The following SLCO2A1 variants were observed in gnomAD, a reference collection of about 807,000 sequenced individuals.
SLCO2A1 encodes matrin F/G 1.
Under a neutral mutation model 71.7 loss-of-function variants are expected in SLCO2A1, and 60 were observed. The observed-to-expected ratio is 0.84, with a 90% CI of 0.68 to 1.04. SLCO2A1 has a LOEUF of 1.04. Among genes scored for constraint, SLCO2A1 ranks in the 50% least tolerant of loss-of-function variants. The pLI is 0.00. For synonymous variants in SLCO2A1, 308 were observed against 326.7 expected (o/e 0.94, Z 0.62); for missense variants, 745 against 813.4 (o/e 0.92, Z 1.02).
chr3:133,971,082 G>A (rs778825564), intron 3 of SLCO2A1, among the ~76,000 whole-genome samples: 1 of 152,230 alleles, frequency 6.6e-6, no homozygotes, highest in Non-Finnish European at 1.5e-5. Flanking sequence ...GAGCTGACTT[G>A]CCAGGCTGAG....
rs571890358 is a variant in SLCO2A1 at position 133,964,625 on chromosome 3, A to G, written c.397+9038T>C. On this transcript the variant is annotated intron_variant, in intron 3 of 13. Coordinates refer to ENST00000310926, the MANE Select transcript of SLCO2A1 (RefSeq NM_005630.3). ...CACATCTGTGGAGGAAAAGAAGCTC[A>G]GGGCAGTGGAAGGAGGAACTGCTCT... Among the ~76,000 whole-genome samples, 4 of 152,360 alleles carry G rather than the reference A, an allele frequency of 2.6e-5. No homozygotes were observed. In the East Asian group the frequency reaches 7.7e-4, roughly 29 times the overall value.
intron 1 of SLCO2A1, among the ~76,000 whole-genome samples, chr3:133,982,662 C>T (rs1328006436): frequency 6.6e-6 from 1 of 152,158 alleles, no homozygotes; most frequent in Non-Finnish European, 1.5e-5. Context: ...ATGGTCTCTT[C>T]TTGGTGTCTC....
intron 1 of SLCO2A1, among the ~76,000 whole-genome samples, chr3:133,988,062 C>T (rs920091920): frequency 6.6e-6 from 1 of 152,192 alleles, no homozygotes; most frequent in Non-Finnish European, 1.5e-5. Flanking sequence ...CCCTCACTGC[C>T]CCAAGCATCT....
At chr3:133,947,739 T>C (rs1440178221) in intron 8 of SLCO2A1, among the ~76,000 whole-genome samples, 2 of 152,146 alleles carry the variant, frequency 1.3e-5, no homozygotes. Flanking sequence ...TTTCATTCCT[T>C]GGGGCCTCTT....
chr3:133,948,488 C>T lies in SLCO2A1; in HGVS notation c.1105+48G>A, dbSNP rs369090781. The T allele has an allele frequency of 5.1e-6, 8 of 1,577,954 alleles. No individual in the cohort carries two copies. The African/African-American group carries it at 6.7e-5, about 13-fold the overall frequency. ...GGATGGGTGGCTGGAGTGCCTGCCTCCTGGCCCAGGCAAGCCCTGCGGATC... is the reference window on the plus strand; with the variant it reads ...GGATGGGTGGCTGGAGTGCCTGCCTTCTGGCCCAGGCAAGCCCTGCGGATC... On this transcript the variant is annotated intron_variant, in intron 8 of 13. Coordinates refer to ENST00000310926, the MANE Select transcript of SLCO2A1 (RefSeq NM_005630.3).
Position 133,934,813 on chromosome 3 carries a change from A to G in SLCO2A1, c.1832T>C (p.Met611Thr), listed in dbSNP as rs373024653. 1.9e-6 allele frequency: 3 copies of G among 1,611,232 alleles called. No homozygotes were observed. The highest frequency in any genetic ancestry group is 2.2e-5 in the East Asian group (1 of 44,816). Reference sequence around the variant, plus strand: ...CAGCATGCCCAGCGCCTTGTAGCCCATCTGCAGGCCCAGGTACCTGTGGGC... The same window carrying G: ...CAGCATGCCCAGCGCCTTGTAGCCCGTCTGCAGGCCCAGGTACCTGTGGGC... Reference protein sequence around the residue: ...ALRDRYLGLQMGYKALGMLLL... With the variant: ...ALRDRYLGLQTGYKALGMLLL... Residue 611 changes from methionine to threonine, a missense_variant, in exon 14 of 14, where the codon ATG becomes ACG. Transcript: ENST00000310926.
Position 134,013,965 on chromosome 3 carries a change from G to A in SLCO2A1, c.96+15742C>T, listed in dbSNP as rs115940870. On this transcript the variant is annotated intron_variant, in intron 1 of 13. Transcript: ENST00000310926. Reference sequence around the variant, plus strand: ...CTTCTAGAATTCAGGGCCTCTTGGTGGGGCAGTTTGATAAACAGTAGCTCA... The same window carrying A: ...CTTCTAGAATTCAGGGCCTCTTGGTAGGGCAGTTTGATAAACAGTAGCTCA... Among the ~76,000 whole-genome samples, 529 of 152,170 alleles carry A rather than the reference G, an allele frequency of 3.5e-3. 5 individuals are homozygous for A. Among genetic ancestry groups the A allele is most frequent in the African/African-American group, 0.012 (507 of 41,508 alleles).
At position 134,022,108 on chromosome 3, in the gene SLCO2A1, A is replaced by T. The variant is rs79880589; in HGVS notation, c.96+7599T>A. Among the ~76,000 whole-genome samples the T allele has an allele frequency of 7.4e-3, 1,122 of 152,046 alleles. 24 individuals are homozygous for T. The highest frequency in any genetic ancestry group is 0.026 in the African/African-American group (1,091 of 41,520). On this transcript the variant is annotated intron_variant, in intron 1 of 13. Coordinates refer to ENST00000310926, the MANE Select transcript of SLCO2A1 (RefSeq NM_005630.3). ...AAAAGAGGAGGGGCGGAATTTATGT[A>T]AAAAGAGTATTATATGGTAAATTCT... is the stretch of plus-strand genomic sequence containing the variant.
intron 5 of SLCO2A1, 121 bp from the exon 6 acceptor site, chr3:133,951,465 C>A: frequency 1.7e-6 from 2 of 1,200,450 alleles, no homozygotes; most frequent in South Asian, 1.5e-5. Context: ...AAGAGGCAAG[C>A]CATGAGCTAG....
chr3:133,958,804 A>G (rs539320621), intron 3 of SLCO2A1, among the ~76,000 whole-genome samples: 2 of 152,270 alleles, frequency 1.3e-5, no homozygotes, highest in African/African-American at 4.8e-5. Flanking sequence ...ATTCAGACAA[A>G]TCTTGGGTAC....
At chr3:134,006,560 G>A (rs1043609613) in intron 1 of SLCO2A1, among the ~76,000 whole-genome samples, 6 of 152,126 alleles carry the variant, frequency 3.9e-5, no homozygotes, top group Non-Finnish European at 8.8e-5. Flanking sequence ...TCATGTAAAT[G>A]GAATCATACA....
intron 3 of SLCO2A1, among the ~76,000 whole-genome samples, chr3:133,967,457 C>A (rs182389153): frequency 6.6e-6 from 1 of 152,190 alleles, no homozygotes; most frequent in African/African-American, 2.4e-5. Context: ...CCTTCTCTAC[C>A]GCAGTCTAGT....
intron 1 of SLCO2A1, among the ~76,000 whole-genome samples, chr3:133,991,319 C>T (rs188922703): frequency 3.3e-5 from 5 of 152,154 alleles, no homozygotes; most frequent in African/African-American, 1.2e-4. Flanking sequence ...CTCCATCAGC[C>T]GTTGGCCTGC....
At chr3:134,013,339 A>T (rs1935379561) in intron 1 of SLCO2A1, among the ~76,000 whole-genome samples, 1 of 152,108 alleles carries the variant, frequency 6.6e-6, no homozygotes, top group Non-Finnish European at 1.5e-5. Context: ...TGAGAAACAG[A>T]TCAGTTTAAT....
At chr3:133,991,392 A>G (rs773871522) in intron 1 of SLCO2A1, among the ~76,000 whole-genome samples, 2 of 152,202 alleles carry the variant, frequency 1.3e-5, no homozygotes, top group African/African-American at 4.8e-5. Context: ...CAATGCCCCA[A>G]AGGGGAATGA....
intron 11 of SLCO2A1, among the ~76,000 whole-genome samples, chr3:133,941,043 G>A (rs1933407838): frequency 6.6e-6 from 1 of 152,158 alleles, no homozygotes; most frequent in Non-Finnish European, 1.5e-5. Flanking sequence ...CCTAAGTTTT[G>A]TGCTGCTTTC....
intron 9 of SLCO2A1, among the ~76,000 whole-genome samples, chr3:133,946,005 T>C (rs1224152092): frequency 6.6e-6 from 1 of 152,114 alleles, no homozygotes; most frequent in Non-Finnish European, 1.5e-5. Context: ...TTCCCCCAAC[T>C]AGTAAGGAAC....
rs987452634 is a variant in SLCO2A1, at chr3:133,949,182, G to A, written c.862-211C>T. 5.1e-6 allele frequency: 3 copies of A among 589,408 alleles called. No homozygotes were observed. In the East Asian group the frequency reaches 8.5e-5, roughly 17 times the overall value. 36.5% of individuals were successfully genotyped at this position (589,408 alleles called of 1,614,324 possible). ...AGCCTGGTGTTTTGGCCGACAATCAGAACACATCTATGCCAATGCCTCCCA... is the reference window on the plus strand; with the variant it reads ...AGCCTGGTGTTTTGGCCGACAATCAAAACACATCTATGCCAATGCCTCCCA... On this transcript the variant is annotated intron_variant, in intron 6 of 13. Coordinates refer to ENST00000310926, the MANE Select transcript of SLCO2A1 (RefSeq NM_005630.3).
intron 1 of SLCO2A1, among the ~76,000 whole-genome samples, chr3:134,025,990 A>ATGT (rs1935694397): frequency 6.6e-6 from 1 of 152,174 alleles, no homozygotes; most frequent in Admixed American, 6.6e-5. Context: ...ATGTCACTTC[A>ATGT]TGTTATGTAT....
Sources: allele counts gnomAD v4.1 joint callset (sites outside exome capture counted in the v4.1 genomes callset), GRCh38; gene constraint gnomAD v4.1.1; transcripts MANE v1.5; gene names NCBI Gene and HGNC (gene_info 2026-07-23, HGNC 2026-07-21).